LDB3: variants seen among roughly 807,000 people sequenced by gnomAD.
The protein encoded by LDB3 is LIM domain binding 3, also known as LIM domain-binding protein 3.
LDB3 carries 49 observed loss-of-function variants against 69.0 expected under a neutral mutation model. The ratio of observed to expected loss-of-function variants is 0.71; its 90% CI spans 0.56 to 0.90. The LOEUF is 0.90. Among genes scored for constraint, LDB3 ranks in the 40% least tolerant of loss-of-function variants. LDB3 has a pLI of 0.00. For synonymous variants in LDB3, 387 were observed against 396.2 expected (o/e 0.98, Z 0.28); for missense variants, 928 against 974.1 (o/e 0.95, Z 0.63).
At position 86,710,081 on chromosome 10, in the gene LDB3, G is replaced by A. The variant is rs755186185; in HGVS notation, c.1231+31G>A. 4.4e-6 allele frequency: 7 copies of A among 1,608,298 alleles called. No individual in the cohort carries two copies. In the Admixed American group the frequency reaches 5.0e-5, roughly 12 times the overall value. On this transcript the variant is annotated intron_variant, in intron 9 of 13. Transcript: ENST00000361373. ...AGGCAGAGCAGGAGGGGAGGCTGTC[G>A]AAAGCCATGGGCGGGCTCCAGGAGC...
Position 86,733,043 on chromosome 10 carries a change from GA to G in LDB3, c.*68del. ...CTGCTGCTGGCAACAAAGGATTCGG[GA>G]GGCTGATGTTTCTTCTGAGGGGAAT... On this transcript the variant is annotated 3_prime_UTR_variant, in exon 14 of 14. Transcript: ENST00000361373. 1 of 1,099,928 alleles carries G rather than the reference GA, an allele frequency of 9.1e-7. No homozygotes were observed. The highest frequency in any genetic ancestry group is 1.4e-6 in the Non-Finnish European group (1 of 727,934). The allele number at this position is 1,099,928 out of a possible 1,614,324, so 68.1% of individuals were successfully genotyped here.
In LDB3 at chr10:86,705,335, T is replaced by C. The variant is rs551691396; in HGVS notation, c.897-1196T>C. On this transcript the variant is annotated intron_variant, in intron 7 of 13. Transcript: ENST00000361373. ...TGTGAGGAAGTAAAGACATCATTCC[T>C]GGCACATAGCATGAGGTCAATAAAC... Among the ~76,000 whole-genome samples the C allele has an allele frequency of 1.1e-4, 16 of 152,374 alleles. No individual in the cohort carries two copies. The South Asian group carries it at 3.1e-3, about 30-fold the overall frequency.
At chr10:86,674,019 C>T (rs1371573728) in intron 2 of LDB3, among the ~76,000 whole-genome samples, 1 of 152,154 alleles carries the variant, frequency 6.6e-6, no homozygotes, top group Admixed American at 6.5e-5. Flanking sequence ...ACCCAGGCCC[C>T]TCTAGGGACA....
intron 10 of LDB3, among the ~76,000 whole-genome samples, 183 bp downstream of exon 10, chr10:86,716,954 T>G (rs1257669591): frequency 6.6e-6 from 1 of 152,182 alleles, no homozygotes; most frequent in Non-Finnish European, 1.5e-5. Context: ...CATACCTGTG[T>G]GACACCCACT....
intron 9 of LDB3, 38 bp downstream of exon 9, chr10:86,710,088 A>G (rs535367596): frequency 6.2e-7 from 1 of 1,606,544 alleles, no homozygotes; most frequent in East Asian, 2.2e-5. Context: ...GTCGAAAGCC[A>G]TGGGCGGGCT....
At chr10:86,708,458 C>A (rs1182161340) in intron 8 of LDB3, among the ~76,000 whole-genome samples, 16 of 152,178 alleles carry the variant, frequency 1.1e-4, no homozygotes, top group African/African-American at 3.9e-4. Flanking sequence ...AGTGCCAGTC[C>A]CTGACTCAGG....
rs116298800 is a variant in LDB3, at chr10:86,673,191, A to G, written c.93+4407A>G. Among the ~76,000 whole-genome samples the G allele has an allele frequency of 7.8e-3, 1,188 of 152,356 alleles. 20 individuals are homozygous for G. The highest frequency in any genetic ancestry group is 0.027 in the African/African-American group (1,137 of 41,592). On this transcript the variant is annotated intron_variant, in intron 2 of 13. Coordinates refer to ENST00000361373, the MANE Select transcript of LDB3 (RefSeq NM_007078.3). ...GAGGGCATTTTATTGGCCACACCCAAGACCCAAATGGAACTGTGGACCTGG... is the reference window on the plus strand; with the variant it reads ...GAGGGCATTTTATTGGCCACACCCAGGACCCAAATGGAACTGTGGACCTGG...
chr10:86,712,100 GCCA>G (rs1321970296), intron 9 of LDB3, among the ~76,000 whole-genome samples: 4 of 152,088 alleles, frequency 2.6e-5, no homozygotes, highest in Admixed American at 6.5e-5. Flanking sequence ...GCTGCGAAGC[GCCA>G]CTGCCTGCTC....
chr10:86,692,383 G>A (rs555629942), intron 6 of LDB3, 152 bp from the exon 7 acceptor site: 1 of 840,478 alleles, frequency 1.2e-6, no homozygotes, highest in East Asian at 2.4e-5. Context: ...AATGTCCTCT[G>A]GGGCCTCTGC....
chr10:86,668,491 G>T (rs769128165), upstream of LDB3: 2 of 660,568 alleles, frequency 3.0e-6, no homozygotes, highest in Non-Finnish European at 5.6e-6. Context: ...TATCAGTGTC[G>T]ATGGCATTCG....
At position 86,681,519 on chromosome 10, in the gene LDB3, C is replaced by T; in HGVS notation, c.405C>T (p.Thr135=). 6.2e-7 allele frequency: 1 copy of T among 1,612,188 alleles called. No individual in the cohort carries two copies. Among genetic ancestry groups the T allele is most frequent in the Middle Eastern group, 1.7e-4 (1 of 6,052 alleles). Residue 135 remains threonine (T), a synonymous_variant, in exon 5 of 14, where the codon ACC becomes ACT. Transcript: ENST00000361373. The stretch of plus-strand genomic sequence containing the variant: ...GGGCCAGCCCAGGCACCCCAGGCAC[C>T]CCGGAGCTCAGGCCCACCTTTAGCC... ...EARASPGTPG[T]PELRPTFSPA...
chr10:86,680,455 G>A (rs1845050908), intron 4 of LDB3, among the ~76,000 whole-genome samples: 2 of 152,238 alleles, frequency 1.3e-5, no homozygotes, highest in Admixed American at 1.3e-4. Flanking sequence ...GTGTTCCCAG[G>A]AGAGGGGTCA....
intron 9 of LDB3, among the ~76,000 whole-genome samples, chr10:86,715,560 G>A (rs1308716170): frequency 6.6e-6 from 1 of 152,144 alleles, no homozygotes; most frequent in Non-Finnish European, 1.5e-5. Context: ...GACTGCCTGG[G>A]CAATCTTTAG....
intron 5 of LDB3, 47 bp from the exon 6 acceptor site, chr10:86,691,849 C>A: frequency 6.2e-7 from 1 of 1,606,966 alleles, no homozygotes; most frequent in Non-Finnish European, 8.5e-7. Context: ...AGGGTGGGAA[C>A]TGGGCTCCAG....
At chr10:86,689,148 C>T (rs1395119664) in intron 5 of LDB3, among the ~76,000 whole-genome samples, 1 of 152,150 alleles carries the variant, frequency 6.6e-6, no homozygotes, top group Non-Finnish European at 1.5e-5. Context: ...CCTTCACCCA[C>T]CCCATTCCCA....
upstream of LDB3, chr10:86,668,424 A>T: frequency 1.9e-6 from 1 of 540,046 alleles, no homozygotes; most frequent in Non-Finnish European, 3.4e-6. Flanking sequence ...GGGAGGCGGC[A>T]GGCTGGCAGG....
At chr10:86,732,489 G>C (rs1847502318) in intron 13 of LDB3, 2 of 448,658 alleles carry the variant, frequency 4.5e-6, no homozygotes, top group African/African-American at 4.0e-5. Context: ...GAATGCATGG[G>C]GCAAGGCTGT....
At chr10:86,711,009 C>T (rs1846631519) in intron 9 of LDB3, among the ~76,000 whole-genome samples, 1 of 152,180 alleles carries the variant, frequency 6.6e-6, no homozygotes, top group Non-Finnish European at 1.5e-5. Context: ...CAAGGATAGA[C>T]GGTTCTGAGG....
Position 86,699,443 on chromosome 10 carries a change from G to A in LDB3, c.896+6872G>A, listed in dbSNP as rs1037329839. 28 of 1,610,234 alleles carry A rather than the reference G, an allele frequency of 1.7e-5. No homozygotes were observed. The African/African-American group carries it at 3.7e-4, about 22-fold the overall frequency. ...CCATCCTTACCCCCACACAGATCTG[G>A]CATGTGAGCCCCACGGTGATGCTTG... On this transcript the variant is annotated intron_variant, in intron 7 of 13. Transcript: ENST00000361373. This position sits in a 1 kb window ranked among gnomAD's most constrained non-coding sequence, Gnocchi z 4.9.
Sources: gnomAD v4.1 joint callset for allele counts (sites outside exome capture counted in the v4.1 genomes callset) on GRCh38, gnomAD v4.1.1 for gene constraint, Gnocchi (gnomAD v3.1) non-coding constraint, MANE v1.5 for transcripts, NCBI Gene and HGNC (gene_info 2026-07-23, HGNC 2026-07-21) for gene names.